The following HPSE2 variants were observed in gnomAD, a reference collection of about 807,000 sequenced individuals.
HPSE2 encodes heparanase 2 (inactive).
A neutral mutation model predicts 60.5 loss-of-function variants in HPSE2; 38 were observed. That is an observed-to-expected ratio of 0.63 (90% CI 0.48 to 0.82). The LOEUF is 0.82. Ranked by LOEUF, HPSE2 falls within the 40% of genes least tolerant of loss-of-function variation. HPSE2 has a pLI of 0.00. For missense variants in HPSE2, 713 were observed against 740.4 expected, an observed-to-expected ratio of 0.96 and a Z score of 0.43; for synonymous variants, 295 against 293.2, an observed-to-expected ratio of 1.01 and a Z score of -0.06.
chr10:99,203,866 G>GCCC (rs78743483), intron 2 of HPSE2, among the ~76,000 whole-genome samples: 1 of 151,648 alleles, frequency 6.6e-6, no homozygotes, highest in Admixed American at 6.6e-5. Flanking sequence ...CAGAAGCCAG[G>GCCC]ACCGCTCCAC....
At chr10:98,734,790 T>C (rs1372604419) in intron 4 of HPSE2, among the ~76,000 whole-genome samples, 2 of 152,128 alleles carry the variant, frequency 1.3e-5, no homozygotes, top group Non-Finnish European at 2.9e-5. Flanking sequence ...CTCACACTTT[T>C]TTTTTAATTG....
chr10:99,184,517 T>TCG (rs1847897149), intron 2 of HPSE2, among the ~76,000 whole-genome samples: 1 of 60,322 alleles, frequency 1.7e-5, no homozygotes, highest in African/African-American at 8.1e-5. Flanking sequence ...AGAGCGAGAC[T>TCG]GTCTCAAAAA....
chr10:98,939,770 A>T (rs1378727902), intron 3 of HPSE2, among the ~76,000 whole-genome samples: 1 of 144,264 alleles, frequency 6.9e-6, no homozygotes, highest in Non-Finnish European at 1.5e-5. Flanking sequence ...ACAAATCAAC[A>T]AAATAAACAT....
rs566170423 is a variant in HPSE2, at chr10:98,815,955, C to G, written c.611-71899G>C. On this transcript the variant is annotated intron_variant, in intron 3 of 11. Coordinates refer to ENST00000370552, the MANE Select transcript of HPSE2 (RefSeq NM_021828.5). ...AAAAACCAAACACCGCATGTTCTCACTCATAGGTGGGAATTGAACAATGAG... is the reference window on the plus strand; with the variant it reads ...AAAAACCAAACACCGCATGTTCTCAGTCATAGGTGGGAATTGAACAATGAG... Among the ~76,000 whole-genome samples, 214 of 143,874 alleles carry G rather than the reference C, an allele frequency of 1.5e-3. 2 individuals carry two copies. Among genetic ancestry groups the G allele is most frequent in the African/African-American group, 5.2e-3 (203 of 38,972 alleles). 94.4% of individuals were successfully genotyped at this position (143,874 alleles called of 152,430 possible). A position where few individuals can be genotyped will look rare whatever the true frequency, so the allele number is the denominator to read the frequency against.
chr10:98,921,891 C>T (rs538256946), intron 3 of HPSE2, among the ~76,000 whole-genome samples: 2 of 152,192 alleles, frequency 1.3e-5, no homozygotes, highest in South Asian at 2.1e-4. Context: ...TAAGTAGGTG[C>T]CAATTCATGG....
chr10:98,989,552 C>T (rs1205634079), intron 3 of HPSE2, among the ~76,000 whole-genome samples: 2 of 150,490 alleles, frequency 1.3e-5, no homozygotes, highest in African/African-American at 4.9e-5. Context: ...TGTTAAAGGA[C>T]GAGTTAATGG....
chr10:98,579,170 T>C (rs7101349), intron 9 of HPSE2, among the ~76,000 whole-genome samples: 86,142 of 151,662 alleles, frequency 0.57, 24,651 homozygotes, highest in Middle Eastern at 0.64. Context: ...TCAGCAGCTC[T>C]GATGCAGTCC....
intron 3 of HPSE2, among the ~76,000 whole-genome samples, chr10:98,985,869 C>T (rs1198793640): frequency 6.6e-6 from 1 of 151,968 alleles, no homozygotes; most frequent in Non-Finnish European, 1.5e-5. Flanking sequence ...AGACTTTAAA[C>T]CAACAAAGAT....
intron 9 of HPSE2, among the ~76,000 whole-genome samples, chr10:98,596,813 T>A (rs1241067505): frequency 6.6e-6 from 1 of 152,182 alleles, no homozygotes; most frequent in African/African-American, 2.4e-5. Flanking sequence ...ACAATTTAAT[T>A]ATAATATATC....
chr10:99,287,895 C>T, the HPSE2 span, among the ~76,000 whole-genome samples: 1 of 152,092 alleles, frequency 6.6e-6, no homozygotes, highest in Non-Finnish European at 1.5e-5. Flanking sequence ...GGTAGGGGAT[C>T]CTAAACCCAA....
At chr10:98,917,512 T>C (rs949574852) in intron 3 of HPSE2, among the ~76,000 whole-genome samples, 8 of 152,222 alleles carry the variant, frequency 5.3e-5, no homozygotes, top group Non-Finnish European at 8.8e-5. Context: ...GATTAACTTC[T>C]GCCTTAAAAT....
intron 11 of HPSE2, among the ~76,000 whole-genome samples, chr10:98,465,214 T>C (rs1174993857): frequency 6.6e-6 from 1 of 152,262 alleles, no homozygotes; most frequent in East Asian, 1.9e-4. Flanking sequence ...CTTGTAAACA[T>C]AATCACATTA....
chr10:99,066,568 G>T (rs951155198), intron 3 of HPSE2, among the ~76,000 whole-genome samples: 1 of 152,124 alleles, frequency 6.6e-6, no homozygotes, highest in African/African-American at 2.4e-5. Flanking sequence ...ATGGTGGCAG[G>T]CAAGATAACT....
In HPSE2 at chr10:99,161,320, T is replaced by TAAAC. The variant is rs201188958; in HGVS notation, c.449-16925_449-16922dup. Among the ~76,000 whole-genome samples, 835 of 151,182 alleles carry TAAAC rather than the reference T, an allele frequency of 5.5e-3. 5 individuals are homozygous for TAAAC. The highest frequency in any genetic ancestry group is 0.019 in the African/African-American group (789 of 41,200). On this transcript the variant is annotated intron_variant, in intron 2 of 11. Transcript: ENST00000370552. ...AAATGTCCAGAAACTAGTAAATGGA[T>TAAAC]AAACAAAATGTGGCAAATCCATAAA... is the stretch of plus-strand genomic sequence containing the variant.
chr10:99,158,474 A>G (rs1452913939), intron 2 of HPSE2, among the ~76,000 whole-genome samples: 1 of 121,382 alleles, frequency 8.2e-6, no homozygotes, highest in Non-Finnish European at 1.7e-5. Context: ...GAAATTGGAA[A>G]TCATCATTCT....
chr10:99,247,010 T>G, the HPSE2 span, among the ~76,000 whole-genome samples: 1 of 152,200 alleles, frequency 6.6e-6, no homozygotes, highest in Non-Finnish European at 1.5e-5. Context: ...AATCGTATAT[T>G]TGGGCTTGAA....
At chr10:98,637,657 C>G (rs1946531483) in intron 7 of HPSE2, among the ~76,000 whole-genome samples, 1 of 152,178 alleles carries the variant, frequency 6.6e-6, no homozygotes, top group South Asian at 2.1e-4. Context: ...GCCCAATACC[C>G]TATTCAAACA....
intron 9 of HPSE2, among the ~76,000 whole-genome samples, chr10:98,516,346 A>G (rs1017900945): frequency 4.6e-5 from 7 of 152,242 alleles, no homozygotes; most frequent in African/African-American, 1.4e-4. Context: ...GGTGCTTTAT[A>G]AATAAATATT....
intron 3 of HPSE2, among the ~76,000 whole-genome samples, chr10:99,056,378 G>A (rs1000808819): frequency 2.6e-5 from 4 of 152,056 alleles, no homozygotes; most frequent in Non-Finnish European, 4.4e-5. Context: ...CTTGAAGGAA[G>A]GCTTAACATC....
Sources: gnomAD v4.1 joint callset for allele counts (sites outside exome capture counted in the v4.1 genomes callset) on GRCh38, gnomAD v4.1.1 for gene constraint, MANE v1.5 for transcripts, NCBI Gene and HGNC (gene_info 2026-07-23, HGNC 2026-07-21) for gene names.